The following MASP2 variants were observed in gnomAD, a reference collection of about 807,000 sequenced individuals.
MASP2 encodes the protein MBL associated serine protease 2.
In MASP2, 49 loss-of-function variants were observed where a neutral mutation model predicts 57.1. That is an observed-to-expected ratio of 0.86 (90% CI 0.68 to 1.09). The LOEUF (loss-of-function observed/expected upper bound fraction) is 1.09, where lower values mean the gene tolerates loss of function less well. Among genes scored for constraint, MASP2 ranks in the 50% least tolerant of loss-of-function variants. The probability of loss-of-function intolerance (pLI) is 0.00; values close to 1 mark genes in which losing one functional copy is unlikely to be tolerated. For missense variants in MASP2, 900 were observed against 874.8 expected (o/e 1.03, Z -0.36); for synonymous variants, 379 against 340.8 (o/e 1.11, Z -1.24).
chr1:11,026,823 C>T lies in MASP2; in HGVS notation c.*62G>A, dbSNP rs368424891. The T allele has an allele frequency of 1.2e-4, 163 of 1,388,408 alleles. No individual in the cohort carries two copies. The African/African-American group carries it at 2.0e-3, about 17-fold the overall frequency. The allele number at this position is 1,388,408 out of a possible 1,614,324, so 86.0% of individuals were successfully genotyped here. On this transcript the variant is annotated 3_prime_UTR_variant, in exon 11 of 11. Transcript: ENST00000400897. ...ATGATGAATGCTTCTCGAGCCACGTCGCTGCCAAGGTCTTCACAGGCATTT... is the reference window on the plus strand; with the variant it reads ...ATGATGAATGCTTCTCGAGCCACGTTGCTGCCAAGGTCTTCACAGGCATTT...
intron 5 of MASP2, 100 bp downstream of exon 5, chr1:11,043,239 G>T: frequency 8.6e-7 from 1 of 1,158,622 alleles, no homozygotes. Flanking sequence ...GGTCACCGAG[G>T]GTGACGGGAA....
At chr1:11,040,675 G>C (rs942313602) in intron 6 of MASP2, among the ~76,000 whole-genome samples, 1 of 151,456 alleles carries the variant, frequency 6.6e-6, no homozygotes, top group Non-Finnish European at 1.5e-5. Flanking sequence ...TAATGGGTGG[G>C]TGGATAGATG....
At chr1:11,046,256 G>C in intron 3 of MASP2, 1 of 448,082 alleles carries the variant, frequency 2.2e-6, no homozygotes, top group East Asian at 4.6e-5. Flanking sequence ...CAAATGATCA[G>C]CCAGCCTCGG....
In MASP2 at chr1:11,037,811, G is replaced by T. The variant is rs778011642; in HGVS notation, c.890C>A (p.Ala297Glu). The change falls in exon 7 of 11, where the codon GCG becomes GAG. Residue 297 changes from alanine to glutamate, a missense_variant and splice_region_variant. Physicochemically the swap from Ala to Glu is moderately radical, Grantham distance 107 (BLOSUM62 -1). Transcript: ENST00000400897. ...TGWKIHYTST[A>E]QPCPYPMAPP... Reference sequence around the variant, plus strand: ...CGCCATCGGATAAGGGCAAGGCTGCGCTGCGCAGAGGAAACCAGGCTTGTT... The same window carrying T: ...CGCCATCGGATAAGGGCAAGGCTGCTCTGCGCAGAGGAAACCAGGCTTGTT... 1 of 1,596,282 alleles carries T rather than the reference G, an allele frequency of 6.3e-7. No homozygotes were observed. Among genetic ancestry groups the T allele is most frequent in the Non-Finnish European group, 8.6e-7 (1 of 1,168,712 alleles).
intron 6 of MASP2, among the ~76,000 whole-genome samples, chr1:11,039,708 G>A (rs1277300973): frequency 6.6e-6 from 1 of 151,958 alleles, no homozygotes; most frequent in African/African-American, 2.4e-5. Flanking sequence ...AGAAGGATGG[G>A]TGGGTGGATA....
At chr1:11,037,378 C>T (rs573414412) in intron 7 of MASP2, among the ~76,000 whole-genome samples, 9 of 152,178 alleles carry the variant, frequency 5.9e-5, no homozygotes, top group African/African-American at 2.2e-4. Context: ...TGTGAGCCAC[C>T]GCGCCTGGCC....
intron 7 of MASP2, among the ~76,000 whole-genome samples, 164 bp from the exon 8 acceptor site, chr1:11,035,070 T>C (rs1193953998): frequency 6.6e-6 from 1 of 152,138 alleles, no homozygotes; most frequent in African/African-American, 2.4e-5. Flanking sequence ...GTTGGGGGGA[T>C]GCCTGGCACA....
At chr1:11,046,393 C>A in intron 3 of MASP2, 163 bp downstream of exon 3, 1 of 742,452 alleles carries the variant, frequency 1.3e-6, no homozygotes, top group Non-Finnish European at 2.3e-6. Context: ...ATGGAGGTCA[C>A]GGCTGTTTTG....
At position 11,043,007 on chromosome 1, in the gene MASP2, C is replaced by T. The variant is rs1553161908; in HGVS notation, c.757G>A (p.Glu253Lys). Residue 253 changes from glutamate (E) to lysine (K), a missense_variant, in exon 6 of 11, where the codon GAA (glutamate) becomes AAA (lysine). Transcript: ENST00000400897. ...YDFLKIQTDREEHGPFCGKTL... is the reference protein window; with the variant it reads ...YDFLKIQTDRKEHGPFCGKTL... ...TTCCCACAGAATGGGCCATGTTCTT[C>T]TCTGTCTGTTTGAATCTGAGAAAGA... The T allele has an allele frequency of 6.2e-7, 1 of 1,613,906 alleles. No homozygotes were observed.
At chr1:11,030,680 T>C in intron 9 of MASP2, 68 bp downstream of exon 9, 1 of 1,501,222 alleles carries the variant, frequency 6.7e-7, no homozygotes, top group Non-Finnish European at 8.9e-7. Flanking sequence ...TGGTTAAAGT[T>C]TATTTTCAGA....
intron 10 of MASP2, 117 bp downstream of exon 10, chr1:11,030,059 A>G: frequency 1.4e-6 from 1 of 692,288 alleles, no homozygotes; most frequent in Non-Finnish European, 2.5e-6. Flanking sequence ...ATAACAGCCT[A>G]AGAGCCAAGT....
chr1:11,043,796 C>T (rs1191231008), intron 4 of MASP2, among the ~76,000 whole-genome samples: 6 of 151,984 alleles, frequency 3.9e-5, no homozygotes, highest in African/African-American at 7.3e-5. Context: ...AGGCAGCACT[C>T]GGGATGGAGC....
rs72550893 is a variant in MASP2 at position 11,047,087 on chromosome 1, G to A, written c.38C>T (p.Ser13Leu). The part of the protein sequence containing the change: ...LLTLLGLLCG[S>L]VATPLGPKWP... ...CTTCGGGCCCAAGGGGGTGGCCACC[G>A]AGCCACACAGAAGGCCCAGGAGGGT... Residue 13 changes from serine to leucine, a missense_variant, in exon 2 of 11, where the codon TCG (serine) becomes TTG (leucine). Coordinates refer to ENST00000400897, the MANE Select transcript of MASP2 (RefSeq NM_006610.4). 811 of 1,550,682 alleles carry A rather than the reference G, an allele frequency of 5.2e-4. 3 individuals carry two copies. In the African/African-American group the frequency reaches 8.8e-3, roughly 17 times the overall value.
chr1:11,027,647 A>C lies in MASP2; in HGVS notation c.1299T>G (p.Val433=). 1 of 1,593,820 alleles carries C rather than the reference A, an allele frequency of 6.3e-7. No individual in the cohort carries two copies. The highest frequency in any genetic ancestry group is 8.5e-7 in the Non-Finnish European group (1 of 1,170,632). Residue 433 remains valine (V), a splice_region_variant and synonymous_variant, in exon 11 of 11, where the codon GTT becomes GTG. Coordinates refer to ENST00000400897, the MANE Select transcript of MASP2 (RefSeq NM_006610.4). ...CTGTTGTGCGGGCTGATAGTCCACA[A>C]ACTGGAGAAAGAAGCAGATAGGTAG... ...GEKSLPVCEP[V]CGLSARTTGG... is the part of the protein sequence containing the mutation.
In MASP2 at chr1:11,043,351, G is replaced by A. The variant is rs7536030; in HGVS notation, c.729C>T (p.Tyr243=). The change falls in exon 5 of 11, where the codon TAC becomes TAT. Residue 243 remains tyrosine, a synonymous_variant. Coordinates refer to ENST00000400897, the MANE Select transcript of MASP2 (RefSeq NM_006610.4). ...VETHPETLCP[Y]DFLKIQTDRE... ...CCAGGAGCCAGACCTTGAGAAAGTC[G>A]TAGGGACACAGGGTTTCAGGGTGTG... The A allele has an allele frequency of 0.015, 24,632 of 1,606,740 alleles. 2,713 individuals are homozygous for A. In the African/African-American group the frequency reaches 0.26, roughly 17 times the overall value.
intron 3 of MASP2, 92 bp from the exon 4 acceptor site, chr1:11,045,631 G>C (rs1209640605): frequency 7.2e-7 from 1 of 1,380,862 alleles, no homozygotes; most frequent in Admixed American, 2.2e-5. Flanking sequence ...ACCTCAGAGT[G>C]GACCTCAGAG....
chr1:11,028,978 G>A (rs1324359700), intron 10 of MASP2, among the ~76,000 whole-genome samples: 3 of 148,990 alleles, frequency 2.0e-5, no homozygotes, highest in Non-Finnish European at 4.5e-5. Flanking sequence ...CTCCCAAAGT[G>A]CTGACTTTTT....
intron 4 of MASP2, chr1:11,044,753 C>A: frequency 6.8e-7 from 1 of 1,468,978 alleles, no homozygotes; most frequent in African/African-American, 1.4e-5. Context: ...GGAGCGCACC[C>A]CGCCGCCTCC....
At chr1:11,044,774 A>ACC in intron 4 of MASP2, 6 of 1,124,428 alleles carry the variant, frequency 5.3e-6, no homozygotes, top group East Asian at 4.4e-5. Flanking sequence ...CGACCCTCCC[A>ACC]CCCCAGAGAC....
Sources: gnomAD v4.1 joint callset for allele counts (sites outside exome capture counted in the v4.1 genomes callset) on GRCh38, gnomAD v4.1.1 for gene constraint, MANE v1.5 for transcripts, NCBI Gene and HGNC (gene_info 2026-07-23, HGNC 2026-07-21) for gene names.